Variants in FRMD4A observed in about 807,000 individuals in gnomAD.
FRMD4A encodes FERM domain containing 4A.
Under a neutral mutation model 129.1 loss-of-function variants are expected in FRMD4A, and 29 were observed. The ratio of observed to expected loss-of-function variants is 0.22; its 90% CI spans 0.17 to 0.31. FRMD4A has a LOEUF of 0.31. Ranked by LOEUF, FRMD4A falls within the 10% of genes least tolerant of loss-of-function variation. FRMD4A has a pLI of 1.00. For missense variants in FRMD4A, 1,272 were observed against 1,375.8 expected, an observed-to-expected ratio of 0.92 and a Z score of 1.19; for synonymous variants, 634 against 571.6, an observed-to-expected ratio of 1.11 and a Z score of -1.56.
At chr10:14,093,445 G>A (rs911051980) in intron 2 of FRMD4A, among the ~76,000 whole-genome samples, 1 of 152,094 alleles carries the variant, frequency 6.6e-6, no homozygotes, top group Non-Finnish European at 1.5e-5. Context: ...AAAGGGAGAT[G>A]GTGGTTATAT....
intron 2 of FRMD4A, among the ~76,000 whole-genome samples, chr10:14,038,845 G>A (rs949359284): frequency 1.3e-5 from 2 of 152,118 alleles, no homozygotes; most frequent in African/African-American, 2.4e-5. Flanking sequence ...TCTGATTGGC[G>A]CCTCTGTTAC....
chr10:14,187,731 A>G (rs187165850), intron 2 of FRMD4A, among the ~76,000 whole-genome samples: 98 of 152,298 alleles, frequency 6.4e-4, no homozygotes, highest in African/African-American at 2.2e-3. Context: ...CAATGAGCAG[A>G]ATGCTGTCAC....
intron 6 of FRMD4A, among the ~76,000 whole-genome samples, chr10:13,773,865 T>C (rs930893281): frequency 2.0e-5 from 3 of 152,184 alleles, no homozygotes; most frequent in Admixed American, 6.5e-5. Flanking sequence ...GCACCTTCAG[T>C]TGGCTGTTGG....
At chr10:14,236,936 A>C (rs552757596) in intron 2 of FRMD4A, among the ~76,000 whole-genome samples, 2 of 134,642 alleles carry the variant, frequency 1.5e-5, no homozygotes, top group African/African-American at 5.4e-5. Flanking sequence ...TTAAGAGTTT[A>C]TGTGAGAATT....
intron 6 of FRMD4A, among the ~76,000 whole-genome samples, chr10:13,777,484 C>A (rs17153968): frequency 0.014 from 2,142 of 152,100 alleles, 97 homozygotes; most frequent in South Asian, 0.12. Flanking sequence ...ATTTATGTGC[C>A]CAAGCCCAAG....
chr10:14,026,607 T>G (rs762229411), intron 2 of FRMD4A, among the ~76,000 whole-genome samples: 1 of 152,200 alleles, frequency 6.6e-6, no homozygotes. Flanking sequence ...GAAAATCTAT[T>G]TCCCTGATGG....
intron 3 of FRMD4A, among the ~76,000 whole-genome samples, chr10:13,815,300 A>G (rs551769239): frequency 6.6e-6 from 1 of 152,206 alleles, no homozygotes; most frequent in Non-Finnish European, 1.5e-5. Context: ...AAGAAGCCAG[A>G]CACAAAAAGA....
intron 2 of FRMD4A, among the ~76,000 whole-genome samples, chr10:13,909,407 T>A (rs567370475): frequency 6.6e-6 from 1 of 152,368 alleles, no homozygotes; most frequent in African/African-American, 2.4e-5. Flanking sequence ...CAGTAACGTA[T>A]AAAAGTTCCC....
At chr10:13,800,852 A>G (rs1424159953) in intron 4 of FRMD4A, among the ~76,000 whole-genome samples, 1 of 152,232 alleles carries the variant, frequency 6.6e-6, no homozygotes, top group Non-Finnish European at 1.5e-5. Context: ...TAAACTGTCT[A>G]AAAGAATGAC....
At chr10:14,100,579 G>A (rs1837249124) in intron 2 of FRMD4A, among the ~76,000 whole-genome samples, 1 of 151,994 alleles carries the variant, frequency 6.6e-6, no homozygotes, top group African/African-American at 2.4e-5. Flanking sequence ...TAGGATCTGG[G>A]ATATTTTATT....
chr10:14,257,519 T>C (rs1717516), intron 2 of FRMD4A, among the ~76,000 whole-genome samples: 42,233 of 152,048 alleles, frequency 0.28, 7,284 homozygotes, highest in African/African-American at 0.49. Flanking sequence ...TGGTATCCCC[T>C]CGAAAATGCA....
intron 2 of FRMD4A, among the ~76,000 whole-genome samples, chr10:14,265,614 G>C (rs944280481): frequency 1.3e-5 from 2 of 152,182 alleles, no homozygotes; most frequent in African/African-American, 4.8e-5. Context: ...CAAAACTGAC[G>C]ATTTCTCTAG....
chr10:13,811,580 A>G lies in FRMD4A; in HGVS notation c.112-672T>C, dbSNP rs898048938. Among the ~76,000 whole-genome samples the G allele has an allele frequency of 2.0e-3, 298 of 152,008 alleles. 2 individuals carry two copies. The highest frequency in any genetic ancestry group is 3.7e-3 in the Admixed American group (56 of 15,260). ...GAGTGAGACTCTGCCTCAAAAAAAA[A>G]AAAAAAGATATCTGCCAGTCTAAAG... On this transcript the variant is annotated intron_variant, in intron 3 of 24. Coordinates refer to ENST00000357447, the MANE Select transcript of FRMD4A (RefSeq NM_018027.5).
intron 2 of FRMD4A, among the ~76,000 whole-genome samples, chr10:13,995,627 C>A (rs978555967): frequency 6.6e-5 from 10 of 152,118 alleles, no homozygotes; most frequent in Non-Finnish European, 8.8e-5. Context: ...TATGGCTGAA[C>A]CAAAAGCCAT....
At chr10:14,045,231 A>G (rs995106192) in intron 2 of FRMD4A, among the ~76,000 whole-genome samples, 1 of 149,154 alleles carries the variant, frequency 6.7e-6, no homozygotes, top group South Asian at 2.1e-4. Context: ...TGTGACTTAC[A>G]CTGTAGCCTA....
chr10:14,084,985 ATGATCCCCT>A (rs758394261), intron 2 of FRMD4A, among the ~76,000 whole-genome samples: 2 of 152,188 alleles, frequency 1.3e-5, no homozygotes, highest in Non-Finnish European at 2.9e-5. Context: ...TTCAATGGTA[ATGATCCCCT>A]GATCTGTTGA....
chr10:13,955,309 T>G (rs2095403870), intron 2 of FRMD4A, among the ~76,000 whole-genome samples: 2 of 152,136 alleles, frequency 1.3e-5, no homozygotes, highest in African/African-American at 4.8e-5. Context: ...GGTTTCGCCA[T>G]GTTGGCCAGG....
intron 2 of FRMD4A, among the ~76,000 whole-genome samples, chr10:14,092,428 G>T (rs1836713419): frequency 6.6e-6 from 1 of 152,234 alleles, no homozygotes; most frequent in African/African-American, 2.4e-5. Flanking sequence ...AGCCCAGTGA[G>T]GCAGGGCTGG....
At chr10:13,702,469 G>A (rs1005428682) in intron 13 of FRMD4A, among the ~76,000 whole-genome samples, 1 of 152,082 alleles carries the variant, frequency 6.6e-6, no homozygotes, top group African/African-American at 2.4e-5. Context: ...ATATGGTCAT[G>A]CTCTTAGTGA....
Sources: gnomAD v4.1 joint callset for allele counts (sites outside exome capture counted in the v4.1 genomes callset) on GRCh38, gnomAD v4.1.1 for gene constraint, MANE v1.5 for transcripts, NCBI Gene and HGNC (gene_info 2026-07-23, HGNC 2026-07-21) for gene names.